The following GPLD1 variants were observed in gnomAD, a reference collection of about 807,000 sequenced individuals.
GPLD1 encodes phosphatidylinositol-glycan-specific phospholipase D.
A neutral mutation model predicts 112.6 loss-of-function variants in GPLD1; 84 were observed. The ratio of observed to expected loss-of-function variants is 0.75; its 90% CI spans 0.63 to 0.89. The LOEUF is 0.89. Among genes scored for constraint, GPLD1 ranks in the 40% least tolerant of loss-of-function variants. The probability of loss-of-function intolerance (pLI) is 0.00; values close to 1 mark genes in which losing one functional copy is unlikely to be tolerated. For missense variants in GPLD1, 1,044 were observed against 1,051.5 expected (o/e 0.99, Z 0.10); for synonymous variants, 386 against 403.8 (o/e 0.96, Z 0.53).
chr6:24,450,167 T>C (rs902949475), intron 14 of GPLD1, among the ~76,000 whole-genome samples: 9 of 152,156 alleles, frequency 5.9e-5, no homozygotes, highest in African/African-American at 2.2e-4. Flanking sequence ...TTGTAGAAAA[T>C]AGCCTCGTGT....
intron 24 of GPLD1, among the ~76,000 whole-genome samples, chr6:24,431,600 T>C (rs1414878309): frequency 6.6e-6 from 1 of 150,970 alleles, no homozygotes; most frequent in South Asian, 2.1e-4. Context: ...AGTGGCACCA[T>C]CTAGGCTCAC....
chr6:24,475,164 T>A lies in GPLD1; in HGVS notation c.398A>T (p.His133Leu), dbSNP rs146018636. ...GAATCCTTGTTCAAGGCCCAGACTA[T>A]GCCAGCTGACATCTGCCGCCATGTG... Reference protein sequence around the residue: ...TSHMAADVSWHSLGLEQGFLR... With the variant: ...TSHMAADVSWLSLGLEQGFLR... The change falls in exon 5 of 25, where the codon CAT (histidine) becomes CTT (leucine). Residue 133 changes from histidine (H) to leucine (L), a missense_variant. Coordinates refer to ENST00000230036, the MANE Select transcript of GPLD1 (RefSeq NM_001503.4). The A allele has an allele frequency of 1.2e-6, 2 of 1,612,112 alleles. No homozygotes were observed. The highest frequency in any genetic ancestry group is 4.5e-5 in the East Asian group (2 of 44,874).
chr6:24,428,894 C>G lies in GPLD1; in HGVS notation c.*138G>C, dbSNP rs932854965. 2.0e-5 allele frequency: 11 copies of G among 544,940 alleles called. No homozygotes were observed. The highest frequency in any genetic ancestry group is 1.2e-4 in the South Asian group (4 of 32,992). 33.8% of individuals were successfully genotyped at this position (544,940 alleles called of 1,614,324 possible). A position where few individuals can be genotyped will look rare whatever the true frequency, so the allele number is the denominator to read the frequency against. ...AGAGGGTGTGGCTGTTAGTGTGTCT[C>G]TCTACTCCCAGGAGCCCCATGTCTA... On this transcript the variant is annotated 3_prime_UTR_variant, in exon 25 of 25. Coordinates refer to ENST00000230036, the MANE Select transcript of GPLD1 (RefSeq NM_001503.4).
At chr6:24,492,375 G>T (rs903024757), upstream of GPLD1, among the ~76,000 whole-genome samples, 1 of 151,808 alleles carries the variant, frequency 6.6e-6, no homozygotes, top group African/African-American at 2.4e-5. Context: ...GCATGGTGGC[G>T]CGCACCTGTA....
chr6:24,453,154 AAT>A (rs1398663059), intron 14 of GPLD1, among the ~76,000 whole-genome samples: 2 of 152,236 alleles, frequency 1.3e-5, no homozygotes, highest in East Asian at 3.8e-4. Flanking sequence ...TCAGGTGATG[AAT>A]AACCACTTAG....
intron 7 of GPLD1, among the ~76,000 whole-genome samples, chr6:24,467,984 G>A (rs1054078683): frequency 2.0e-5 from 3 of 152,014 alleles, no homozygotes; most frequent in African/African-American, 4.8e-5. Context: ...TCCGTTCACC[G>A]CAACCTCCGC....
chr6:24,462,407 T>C (rs1198656761), intron 11 of GPLD1, among the ~76,000 whole-genome samples: 2 of 152,146 alleles, frequency 1.3e-5, no homozygotes, highest in Non-Finnish European at 2.9e-5. Context: ...AGTGCTAGGA[T>C]TACACGTATG....
chr6:24,461,118 C>T (rs1763419065), intron 11 of GPLD1, among the ~76,000 whole-genome samples: 1 of 152,008 alleles, frequency 6.6e-6, no homozygotes. Flanking sequence ...TCAAAGATGT[C>T]AACCAGCCAA....
At chr6:24,433,085 T>A (rs1762457506) in intron 24 of GPLD1, 102 bp downstream of exon 24, 2 of 838,492 alleles carry the variant, frequency 2.4e-6, no homozygotes, top group Non-Finnish European at 4.2e-6. Context: ...CCTCTCCTTT[T>A]CAAATAAAAA....
At chr6:24,472,950 A>T (rs534669608) in intron 6 of GPLD1, 9 of 224,998 alleles carry the variant, frequency 4.0e-5, no homozygotes, top group African/African-American at 1.6e-4. Flanking sequence ...TAATTTTTGT[A>T]TTTTTAGTAG....
intron 17 of GPLD1, among the ~76,000 whole-genome samples, chr6:24,447,572 C>T (rs934178315): frequency 7.2e-5 from 11 of 152,104 alleles, no homozygotes; most frequent in Admixed American, 3.3e-4. Flanking sequence ...TATGGACAGT[C>T]GAGAGCACCA....
chr6:24,454,964 AC>A (rs1283925460), intron 13 of GPLD1, among the ~76,000 whole-genome samples: 1 of 152,210 alleles, frequency 6.6e-6, no homozygotes, highest in African/African-American at 2.4e-5. Context: ...TGCTGTCTCT[AC>A]TAAAAATACA....
chr6:24,493,589 C>T (rs1764612166), upstream of GPLD1, among the ~76,000 whole-genome samples: 1 of 152,218 alleles, frequency 6.6e-6, no homozygotes, highest in Admixed American at 6.5e-5. Flanking sequence ...CCCAGCCCCA[C>T]CTGTGATACC....
chr6:24,466,789 A>C lies in GPLD1; in HGVS notation c.712T>G (p.Phe238Val). The C allele has an allele frequency of 6.2e-7, 1 of 1,612,244 alleles. No individual in the cohort carries two copies. Among genetic ancestry groups the C allele is most frequent in the Non-Finnish European group, 8.5e-7 (1 of 1,178,272 alleles). ...TACTCTTGGAATTGTTCCACCAAAA[A>C]CGGGGACTTTGTAGAGTAAGTGGGA... ...LYPTYSTKSP[F>V]LVEQFQEYFL... The change falls in exon 10 of 25, where the codon TTT (phenylalanine) becomes GTT (valine). Residue 238 changes from phenylalanine (F) to valine (V), a missense_variant. Phe to Val is a conservative substitution (Grantham distance 50). Coordinates refer to ENST00000230036, the MANE Select transcript of GPLD1 (RefSeq NM_001503.4).
At chr6:24,494,853 G>C (rs1161034093) in intron 1 of GPLD1, 1 of 944,408 alleles carries the variant, frequency 1.1e-6, no homozygotes, top group Non-Finnish European at 1.4e-6. Context: ...GCGCTGCTCT[G>C]TGGCTCTGCA....
chr6:24,494,519 G>C (rs1378917327), upstream of GPLD1, among the ~76,000 whole-genome samples: 1 of 152,162 alleles, frequency 6.6e-6, no homozygotes, highest in Non-Finnish European at 1.5e-5. Flanking sequence ...GAAGAAGCGT[G>C]ATCACGGCCT....
Position 24,446,990 on chromosome 6 carries a change from C to T in GPLD1, c.1679-11G>A, listed in dbSNP as rs759605647. The T allele has an allele frequency of 1.9e-6, 3 of 1,611,054 alleles. No individual in the cohort carries two copies. The highest frequency in any genetic ancestry group is 1.1e-5 in the South Asian group (1 of 90,710). ...CCACGTTCAGTTTTTCTAAAGAAGA[C>T]AACTCATCCTTTTTACTAATACTTT... On this transcript the variant is annotated splice_polypyrimidine_tract_variant and intron_variant, in intron 17 of 24. Coordinates refer to ENST00000230036, the MANE Select transcript of GPLD1 (RefSeq NM_001503.4).
At chr6:24,440,908 A>G (rs1461986251) in intron 20 of GPLD1, among the ~76,000 whole-genome samples, 5 of 152,170 alleles carry the variant, frequency 3.3e-5, no homozygotes, top group African/African-American at 1.2e-4. Flanking sequence ...CTAGCTTTTT[A>G]CTACTATAAA....
intron 15 of GPLD1, 142 bp from the exon 16 acceptor site, chr6:24,448,350 T>C (rs1762978147): frequency 2.6e-6 from 1 of 378,506 alleles, no homozygotes; most frequent in Non-Finnish European, 5.1e-6. Flanking sequence ...GAGGCCCAAG[T>C]GGGAACATTG....
Sources: allele counts gnomAD v4.1 joint callset (sites outside exome capture counted in the v4.1 genomes callset), GRCh38; gene constraint gnomAD v4.1.1; transcripts MANE v1.5; gene names NCBI Gene and HGNC (gene_info 2026-07-23, HGNC 2026-07-21).